CDH18: variants seen among roughly 807,000 people sequenced by gnomAD.
CDH18 encodes the protein cadherin 18, also known as cadherin-18.
A neutral mutation model predicts 67.9 loss-of-function variants in CDH18; 31 were observed. The ratio of observed to expected loss-of-function variants is 0.46; its 90% CI spans 0.34 to 0.62. The LOEUF is 0.62. Ranked by LOEUF, CDH18 falls within the 20% of genes least tolerant of loss-of-function variation. The pLI, the probability that CDH18 is intolerant of heterozygous loss-of-function variation, is 0.01. For synonymous variants in CDH18, 362 were observed against 347.2 expected (o/e 1.04, Z -0.48); for missense variants, 890 against 975.5 (o/e 0.91, Z 1.17).
intron 2 of CDH18, among the ~76,000 whole-genome samples, chr5:19,941,821 C>G (rs1441584279): frequency 6.6e-6 from 1 of 151,842 alleles, no homozygotes; most frequent in African/African-American, 2.4e-5. Context: ...CAATCCTCAT[C>G]TACCCTGCCT....
intron 1 of CDH18, among the ~76,000 whole-genome samples, chr5:20,507,425 C>T (rs1299050389): frequency 6.6e-6 from 1 of 152,026 alleles, no homozygotes; most frequent in Non-Finnish European, 1.5e-5. Context: ...TAGAGATTCA[C>T]TGGAAGTAAT....
At chr5:20,242,933 A>G (rs1350052666) in intron 2 of CDH18, among the ~76,000 whole-genome samples, 1 of 152,008 alleles carries the variant, frequency 6.6e-6, no homozygotes, top group Non-Finnish European at 1.5e-5. Context: ...TCATCACTGT[A>G]TTACTTATGA....
At position 20,059,097 on chromosome 5, in the gene CDH18, A is replaced by AT. The variant is rs548657531; in HGVS notation, c.-517-67084dup. Among the ~76,000 whole-genome samples, 228 of 152,002 alleles carry AT rather than the reference A, an allele frequency of 1.5e-3. 1 individual carries two copies. Among genetic ancestry groups the AT allele is most frequent in the African/African-American group, 5.3e-3 (219 of 41,434 alleles). On this transcript the variant is annotated intron_variant, in intron 2 of 14. Transcript: ENST00000507958. ...CCAGGAATTTATCCATTTCTTCTAG[A>AT]TTTTCCAGTTTATTTGGGTAGAAGT...
Position 19,685,349 on chromosome 5 carries a change from T to C in CDH18, c.643+35998A>G, listed in dbSNP as rs548199126. 5.9e-5 allele frequency among the ~76,000 whole-genome samples: 9 copies of C among 152,246 alleles called. No individual in the cohort carries two copies. The East Asian group carries it at 7.8e-4, about 13-fold the overall frequency. On this transcript the variant is annotated intron_variant, in intron 5 of 12. Transcript: ENST00000382275. ...GACACCTTCCCTCCAGGGACCACAA[T>C]TGTCTTTATTTTATGACTACACAAT...
chr5:19,964,425 A>T (rs1797222595), intron 2 of CDH18, among the ~76,000 whole-genome samples: 1 of 151,406 alleles, frequency 6.6e-6, no homozygotes, highest in Admixed American at 6.6e-5. Flanking sequence ...TACAGAAAAA[A>T]AAAAAAAAGA....
intron 6 of CDH18, among the ~76,000 whole-genome samples, chr5:19,594,110 C>T (rs1471810586): frequency 6.6e-6 from 1 of 151,890 alleles, no homozygotes; most frequent in Non-Finnish European, 1.5e-5. Flanking sequence ...CATTTTCATT[C>T]TTCTGTATAT....
intron 2 of CDH18, among the ~76,000 whole-genome samples, chr5:20,076,184 G>T (rs1743917769): frequency 1.3e-5 from 2 of 151,792 alleles, no homozygotes; most frequent in Admixed American, 1.3e-4. Flanking sequence ...GTTATACAAT[G>T]TACATTTATT....
chr5:20,435,234 CAT>C (rs1402448706), intron 1 of CDH18, among the ~76,000 whole-genome samples: 1 of 152,008 alleles, frequency 6.6e-6, no homozygotes, highest in Non-Finnish European at 1.5e-5. Flanking sequence ...CATTTATTGA[CAT>C]GTCAGTGCCA....
intron 2 of CDH18, among the ~76,000 whole-genome samples, chr5:20,231,028 T>C (rs983744148): frequency 1.3e-5 from 2 of 152,180 alleles, no homozygotes; most frequent in Non-Finnish European, 2.9e-5. Flanking sequence ...GTTATTTGAA[T>C]TGTATTCAGG....
chr5:20,118,887 T>C (rs561413843), intron 2 of CDH18, among the ~76,000 whole-genome samples: 2 of 152,296 alleles, frequency 1.3e-5, no homozygotes, highest in South Asian at 4.1e-4. Context: ...GGAAATTGTG[T>C]TGTATTCATA....
At chr5:19,596,783 T>C (rs1438553436) in intron 6 of CDH18, among the ~76,000 whole-genome samples, 1 of 152,174 alleles carries the variant, frequency 6.6e-6, no homozygotes, top group Non-Finnish European at 1.5e-5. Context: ...ATTGCAAGAA[T>C]AGTAACTTCC....
chr5:19,871,083 T>G (rs1786215167), intron 2 of CDH18, among the ~76,000 whole-genome samples: 1 of 152,192 alleles, frequency 6.6e-6, no homozygotes, highest in African/African-American at 2.4e-5. Flanking sequence ...TCCACAGATG[T>G]GCAGAGGTCA....
chr5:19,802,407 A>C (rs546389533), intron 3 of CDH18, among the ~76,000 whole-genome samples: 1 of 152,282 alleles, frequency 6.6e-6, no homozygotes, highest in South Asian at 2.1e-4. Context: ...CACTGGAGTA[A>C]GTTTAAAAAA....
At chr5:19,942,006 T>A (rs1794873100) in intron 2 of CDH18, among the ~76,000 whole-genome samples, 2 of 152,052 alleles carry the variant, frequency 1.3e-5, no homozygotes, top group African/African-American at 4.8e-5. Flanking sequence ...TATATGAGCC[T>A]AGACATGGCA....
At chr5:20,170,657 G>GT (rs1561846939) in intron 2 of CDH18, among the ~76,000 whole-genome samples, 1 of 151,892 alleles carries the variant, frequency 6.6e-6, no homozygotes, top group Non-Finnish European at 1.5e-5. Context: ...GTTTAGTTAG[G>GT]TTTTCCCCTC....
At chr5:20,207,356 C>T (rs1426500946) in intron 2 of CDH18, among the ~76,000 whole-genome samples, 1 of 151,644 alleles carries the variant, frequency 6.6e-6, no homozygotes, top group African/African-American at 2.4e-5. Context: ...AAAGGTATTC[C>T]AAGCTCATGG....
intron 1 of CDH18, among the ~76,000 whole-genome samples, chr5:20,292,864 A>G (rs377222971): frequency 6.6e-6 from 1 of 152,238 alleles, no homozygotes; most frequent in East Asian, 1.9e-4. Flanking sequence ...GTCATGTAGG[A>G]CTAAGGACTA....
chr5:20,111,200 C>A (rs966727719), intron 2 of CDH18, among the ~76,000 whole-genome samples: 7 of 152,182 alleles, frequency 4.6e-5, no homozygotes, highest in Admixed American at 3.3e-4. Flanking sequence ...GAGCTCATTT[C>A]TTACTTTGGG....
chr5:20,313,406 C>CTGAAATTTA (rs2149993383), intron 1 of CDH18, among the ~76,000 whole-genome samples: 1 of 152,148 alleles, frequency 6.6e-6, no homozygotes, highest in South Asian at 2.1e-4. Flanking sequence ...ATTTGATCTT[C>CTGAAATTTA]ATTTCTTTTC....
Sources: gnomAD v4.1 joint callset for allele counts (sites outside exome capture counted in the v4.1 genomes callset) on GRCh38, gnomAD v4.1.1 for gene constraint, MANE v1.5 for transcripts, NCBI Gene and HGNC (gene_info 2026-07-23, HGNC 2026-07-21) for gene names.